PIP4K2A: variants seen among roughly 807,000 people sequenced by gnomAD.
PIP4K2A encodes the protein phosphatidylinositol-5-phosphate 4-kinase type 2 alpha.
Under a neutral mutation model 42.9 loss-of-function variants are expected in PIP4K2A, and 14 were observed. That is an observed-to-expected ratio of 0.33 (90% CI 0.22 to 0.51). The LOEUF (loss-of-function observed/expected upper bound fraction) is 0.51, where lower values mean the gene tolerates loss of function less well. Ranked by LOEUF, PIP4K2A falls within the 20% of genes least tolerant of loss-of-function variation. The pLI, the probability that PIP4K2A is intolerant of heterozygous loss-of-function variation, is 0.97. For missense variants in PIP4K2A, 434 were observed against 519.8 expected (o/e 0.83, Z 1.61); for synonymous variants, 192 against 192.2 (o/e 1.00, Z 0.01).
chr10:22,659,045 G>A (rs1015151656), intron 1 of PIP4K2A, among the ~76,000 whole-genome samples: 2 of 152,176 alleles, frequency 1.3e-5, no homozygotes, highest in South Asian at 2.1e-4. Context: ...CCTTGGCTCC[G>A]AGGTTGGGAC....
At chr10:22,627,287 A>C (rs1417127215) in intron 1 of PIP4K2A, among the ~76,000 whole-genome samples, 1 of 152,152 alleles carries the variant, frequency 6.6e-6, no homozygotes, top group Non-Finnish European at 1.5e-5. Context: ...GAATCATTTG[A>C]GGCTAACAGT....
intron 3 of PIP4K2A, among the ~76,000 whole-genome samples, chr10:22,600,785 G>C (rs1837744850): frequency 6.6e-6 from 1 of 152,068 alleles, no homozygotes; most frequent in Non-Finnish European, 1.5e-5. Context: ...AGACCAATGT[G>C]GAACTTGAAC....
chr10:22,600,024 G>C lies in PIP4K2A; in HGVS notation c.339+7903C>G, dbSNP rs529483968. Among the ~76,000 whole-genome samples the C allele has an allele frequency of 1.1e-4, 17 of 152,302 alleles. No homozygotes were observed. The South Asian group carries it at 3.5e-3, about 32-fold the overall frequency. On this transcript the variant is annotated intron_variant, in intron 3 of 9. Transcript: ENST00000376573. ...CCAGGATTAGTGGAGCCCCCAGAAG[G>C]GGGAAGGAAACATAAATGTCAATTT...
At chr10:22,587,206 G>A (rs190338395) in intron 4 of PIP4K2A, among the ~76,000 whole-genome samples, 1 of 152,136 alleles carries the variant, frequency 6.6e-6, no homozygotes, top group Admixed American at 6.5e-5. Context: ...AACTGTGGCT[G>A]CATTTCCTTA....
At position 22,591,910 on chromosome 10, in the gene PIP4K2A, A is replaced by G. The variant is rs1837522447; in HGVS notation, c.340-129T>C. On this transcript the variant is annotated intron_variant, in intron 3 of 9. Coordinates refer to ENST00000376573, the MANE Select transcript of PIP4K2A (RefSeq NM_005028.5). ...AAACATTTGTGTGTGGGATAAATTGATAAGTAGGATGACAACATTTTTACA... is the reference window on the plus strand; with the variant it reads ...AAACATTTGTGTGTGGGATAAATTGGTAAGTAGGATGACAACATTTTTACA... 5.3e-6 allele frequency: 4 copies of G among 750,350 alleles called. No individual in the cohort carries two copies. In the East Asian group the frequency reaches 1.1e-4, roughly 21 times the overall value. The allele number at this position is 750,350 out of a possible 1,614,324, so 46.5% of individuals were successfully genotyped here.
chr10:22,542,299 A>C (rs887217690), intron 7 of PIP4K2A, among the ~76,000 whole-genome samples: 4 of 40,894 alleles, frequency 9.8e-5, no homozygotes, highest in Admixed American at 9.5e-4. Context: ...AGAGGTGTGT[A>C]TCTATCACAG....
chr10:22,635,185 A>G (rs954869143), intron 1 of PIP4K2A, among the ~76,000 whole-genome samples: 2 of 152,150 alleles, frequency 1.3e-5, no homozygotes, highest in Non-Finnish European at 2.9e-5. Flanking sequence ...ATCATTATAC[A>G]CTTGCCAAAA....
At chr10:22,632,623 C>T (rs1288698288) in intron 1 of PIP4K2A, among the ~76,000 whole-genome samples, 2 of 152,158 alleles carry the variant, frequency 1.3e-5, no homozygotes, top group Non-Finnish European at 2.9e-5. Context: ...GAAGCATGAC[C>T]TCCGGTGTAG....
intron 1 of PIP4K2A, among the ~76,000 whole-genome samples, chr10:22,696,713 T>G (rs1190765204): frequency 6.6e-6 from 1 of 152,138 alleles, no homozygotes; most frequent in Non-Finnish European, 1.5e-5. Flanking sequence ...TAAAGCCTAT[T>G]CAGAATGGTC....
chr10:22,596,127 C>T (rs1391690465), intron 3 of PIP4K2A, among the ~76,000 whole-genome samples: 2 of 138,632 alleles, frequency 1.4e-5, no homozygotes, highest in Non-Finnish European at 3.0e-5. Flanking sequence ...ATCGCTTGAA[C>T]CTGGGAGGCG....
At chr10:22,553,693 G>A (rs1588621041) in intron 6 of PIP4K2A, among the ~76,000 whole-genome samples, 1 of 151,410 alleles carries the variant, frequency 6.6e-6, no homozygotes, top group Non-Finnish European at 1.5e-5. Flanking sequence ...AAATAGTGGT[G>A]CTTATAATCC....
intron 6 of PIP4K2A, among the ~76,000 whole-genome samples, chr10:22,555,485 C>A (rs1836515508): frequency 1.3e-5 from 2 of 152,170 alleles, no homozygotes; most frequent in Admixed American, 6.5e-5. Flanking sequence ...GCTGATCAAT[C>A]CAGAGCAAGA....
chr10:22,625,101 T>C (rs1302821266), intron 1 of PIP4K2A, among the ~76,000 whole-genome samples: 1 of 152,212 alleles, frequency 6.6e-6, no homozygotes, highest in Non-Finnish European at 1.5e-5. Context: ...AGGAGCATAA[T>C]AATTTCGTAT....
intron 1 of PIP4K2A, chr10:22,691,707 C>T (rs1288501126): frequency 6.6e-6 from 1 of 152,192 alleles, no homozygotes; most frequent in African/African-American, 2.4e-5. Context: ...AAACCCTGCT[C>T]CCAGCACAAA....
chr10:22,592,529 T>C (rs1837537337), intron 3 of PIP4K2A, among the ~76,000 whole-genome samples: 1 of 152,214 alleles, frequency 6.6e-6, no homozygotes, highest in Non-Finnish European at 1.5e-5. Flanking sequence ...ACCACCATTT[T>C]TGAGAACTAC....
chr10:22,646,213 AC>A (rs1302048069), intron 1 of PIP4K2A: 1 of 152,144 alleles, frequency 6.6e-6, no homozygotes. Context: ...GTCACCAAGA[AC>A]CCACCTTTGG....
intron 1 of PIP4K2A, among the ~76,000 whole-genome samples, chr10:22,644,193 A>T (rs1360478001): frequency 6.6e-6 from 1 of 152,160 alleles, no homozygotes; most frequent in East Asian, 1.9e-4. Flanking sequence ...CCATGCACAG[A>T]GTAGCTTGGG....
At position 22,714,206 on chromosome 10, in the gene PIP4K2A, G is replaced by C. The variant is rs1367435735; in HGVS notation, c.121C>G (p.Leu41Val). ...FRASDPLLSV[L>V]MWGVNHSINE... ...ACCGAGTGGTTTACCCCCCACATGA[G>C]GACGCTGAGCAGCGGGTCGCTGGCC... The change falls in exon 1 of 10, where the codon CTC becomes GTC. Residue 41 changes from leucine (L) to valine (V), a missense_variant. This residue lies in a region of PIP4K2A where 395 missense variants were observed against 444.5 expected (regional missense o/e 0.89). Transcript: ENST00000376573. 2 of 1,611,410 alleles carry C rather than the reference G, an allele frequency of 1.2e-6. No homozygotes were observed. Among genetic ancestry groups the C allele is most frequent in the Non-Finnish European group, 1.7e-6 (2 of 1,178,646 alleles).
chr10:22,639,144 A>C (rs1324295492), intron 1 of PIP4K2A, among the ~76,000 whole-genome samples: 1 of 152,206 alleles, frequency 6.6e-6, no homozygotes, highest in Non-Finnish European at 1.5e-5. Context: ...CATCCACCAA[A>C]TCAAAGACAT....
Sources: gnomAD v4.1 joint callset for allele counts (sites outside exome capture counted in the v4.1 genomes callset) on GRCh38, gnomAD v4.1.1 for gene constraint, gnomAD v4.1.1 regional missense constraint, MANE v1.5 for transcripts, NCBI Gene and HGNC (gene_info 2026-07-23, HGNC 2026-07-21) for gene names.